CDH2: variants seen among roughly 807,000 people sequenced by gnomAD.
The protein encoded by CDH2 is cadherin-2.
Under a neutral mutation model 92.0 loss-of-function variants are expected in CDH2, and 17 were observed. The ratio of observed to expected loss-of-function variants is 0.18; its 90% CI spans 0.13 to 0.28. The LOEUF is 0.28. Among genes scored for constraint, CDH2 ranks in the 10% least tolerant of loss-of-function variants. CDH2 has a pLI of 1.00. For missense variants in CDH2, 862 were observed against 1,133.1 expected, an observed-to-expected ratio of 0.76 and a Z score of 3.44; for synonymous variants, 419 against 415.9, an observed-to-expected ratio of 1.01 and a Z score of -0.09.
intron 6 of CDH2, among the ~76,000 whole-genome samples, chr18:27,933,799 A>G (rs1199348195): frequency 6.6e-6 from 1 of 152,220 alleles, no homozygotes; most frequent in Non-Finnish European, 1.5e-5. Flanking sequence ...TGACACCTCA[A>G]TGCATATTTT....
chr18:28,176,995 T>C lies in CDH2; in HGVS notation c.28A>G (p.Thr10Ala), dbSNP rs879030779. 18 of 1,476,696 alleles carry C rather than the reference T, an allele frequency of 1.2e-5. No individual in the cohort carries two copies. The highest frequency in any genetic ancestry group is 3.8e-5 in the South Asian group (3 of 78,296). 91.5% of individuals were successfully genotyped at this position (1,476,696 alleles called of 1,614,324 possible). The change falls in exon 1 of 16, where the codon ACC becomes GCC. Residue 10 changes from threonine (T) to alanine (A), a missense_variant. Transcript: ENST00000269141. The part of the protein sequence containing the change: MCRIAGALR[T>A]LLPLLAALLQ... ...AGGGCCGCCAGCAGCGGCAGCAGGG[T>C]CCGCAGCGCTCCCGCTATCCGGCAC...
intron 2 of CDH2, among the ~76,000 whole-genome samples, chr18:28,122,193 G>A (rs567458956): frequency 6.6e-6 from 1 of 152,094 alleles, no homozygotes; most frequent in Non-Finnish European, 1.5e-5. Context: ...GCTTAGCTCA[G>A]ATGCCATGTC....
chr18:28,094,984 A>T (rs969297867), intron 2 of CDH2, among the ~76,000 whole-genome samples: 1 of 152,040 alleles, frequency 6.6e-6, no homozygotes, highest in South Asian at 2.1e-4. Context: ...ATGTTATAAC[A>T]TATGTTTTCC....
chr18:28,056,954 A>C (rs1292107531), intron 2 of CDH2, among the ~76,000 whole-genome samples: 1 of 152,188 alleles, frequency 6.6e-6, no homozygotes, highest in Non-Finnish European at 1.5e-5. Flanking sequence ...GATGTTAGCC[A>C]TAATTTTGGT....
At chr18:27,941,643 C>G (rs1056182801) in intron 6 of CDH2, among the ~76,000 whole-genome samples, 1 of 151,966 alleles carries the variant, frequency 6.6e-6, no homozygotes, top group Non-Finnish European at 1.5e-5. Flanking sequence ...TACATGCAGC[C>G]AAAGGGTTTA....
intron 2 of CDH2, among the ~76,000 whole-genome samples, chr18:28,116,849 A>C (rs1236136563): frequency 6.6e-6 from 1 of 152,154 alleles, no homozygotes; most frequent in Non-Finnish European, 1.5e-5. Context: ...CTCTAAAGGA[A>C]TAGCTGCTTG....
chr18:27,933,357 A>G (rs904896849), intron 6 of CDH2, among the ~76,000 whole-genome samples: 4 of 152,152 alleles, frequency 2.6e-5, no homozygotes, highest in African/African-American at 9.7e-5. Context: ...TCCGGCCTTT[A>G]TGGAAATAGG....
intron 2 of CDH2, among the ~76,000 whole-genome samples, chr18:28,089,120 CAT>C (rs1238536900): frequency 6.6e-6 from 1 of 152,152 alleles, no homozygotes; most frequent in Non-Finnish European, 1.5e-5. Context: ...GTCTCCTTTA[CAT>C]GTCATTCAAC....
intron 1 of CDH2, among the ~76,000 whole-genome samples, chr18:28,154,943 A>G (rs1367902787): frequency 2.0e-5 from 3 of 152,204 alleles, no homozygotes. Flanking sequence ...TAGTTATCAT[A>G]AACTCTTAAA....
At chr18:28,142,858 G>A (rs576974868) in intron 2 of CDH2, among the ~76,000 whole-genome samples, 1 of 151,994 alleles carries the variant, frequency 6.6e-6, no homozygotes, top group Non-Finnish European at 1.5e-5. Flanking sequence ...CTCATTAACA[G>A]ATAATTCAAG....
intron 2 of CDH2, among the ~76,000 whole-genome samples, chr18:28,018,668 A>C (rs896024308): frequency 2.6e-5 from 4 of 151,978 alleles, no homozygotes; most frequent in African/African-American, 9.7e-5. Context: ...AAAAAAAATA[A>C]TAGATGTTGG....
intron 2 of CDH2, among the ~76,000 whole-genome samples, chr18:28,017,509 C>G (rs1374771775): frequency 6.6e-6 from 1 of 152,066 alleles, no homozygotes; most frequent in East Asian, 1.9e-4. Flanking sequence ...CTCTTCTTTT[C>G]TTGGTTAATC....
At chr18:28,138,886 A>G (rs1444511460) in intron 2 of CDH2, among the ~76,000 whole-genome samples, 1 of 152,092 alleles carries the variant, frequency 6.6e-6, no homozygotes, top group Non-Finnish European at 1.5e-5. Flanking sequence ...AGCACTCCAA[A>G]GATGGGGAAG....
intron 2 of CDH2, among the ~76,000 whole-genome samples, chr18:28,077,493 C>A (rs1409840048): frequency 1.3e-5 from 2 of 152,000 alleles, no homozygotes; most frequent in African/African-American, 2.4e-5. Context: ...TCTGAAATCC[C>A]AGAAATGTCA....
intron 1 of CDH2, among the ~76,000 whole-genome samples, chr18:28,150,715 C>A (rs2016108044): frequency 6.6e-6 from 1 of 152,064 alleles, no homozygotes; most frequent in Non-Finnish European, 1.5e-5. Flanking sequence ...TATTAAATAT[C>A]CATGGAAGTC....
At chr18:28,033,793 C>A (rs2013757675) in intron 2 of CDH2, among the ~76,000 whole-genome samples, 1 of 152,014 alleles carries the variant, frequency 6.6e-6, no homozygotes, top group African/African-American at 2.4e-5. Context: ...TATAGTCCAG[C>A]CAACAGGGGC....
chr18:27,946,622 G>C (rs1567930605), downstream of CDH2, among the ~76,000 whole-genome samples: 1 of 151,944 alleles, frequency 6.6e-6, no homozygotes, highest in Non-Finnish European at 1.5e-5. Flanking sequence ...CAGAGCATAG[G>C]AAAAATGGCA....
intron 2 of CDH2, among the ~76,000 whole-genome samples, chr18:28,030,574 T>C (rs2144082207): frequency 6.6e-6 from 1 of 152,114 alleles, no homozygotes. Flanking sequence ...CCAGTATAAA[T>C]TGCTGCCTGG....
chr18:28,135,177 C>A (rs1181229471), intron 2 of CDH2, among the ~76,000 whole-genome samples: 1 of 152,068 alleles, frequency 6.6e-6, no homozygotes, highest in Non-Finnish European at 1.5e-5. Context: ...TATGAAATTG[C>A]TCAAGAAGTA....
Sources: gnomAD v4.1 joint callset for allele counts (sites outside exome capture counted in the v4.1 genomes callset) on GRCh38, gnomAD v4.1.1 for gene constraint, MANE v1.5 for transcripts, NCBI Gene and HGNC (gene_info 2026-07-23, HGNC 2026-07-21) for gene names.